HEATR5A: variants seen among roughly 807,000 people sequenced by gnomAD.
The protein encoded by HEATR5A is HEAT repeat-containing protein 5A.
Under a neutral mutation model 218.8 loss-of-function variants are expected in HEATR5A, and 178 were observed. The ratio of observed to expected loss-of-function variants is 0.81; its 90% confidence interval spans 0.72 to 0.92. The LOEUF is 0.92. HEATR5A is among the 40% of genes least tolerant of loss of function. The probability of loss-of-function intolerance (pLI) is 0.00; values close to 1 mark genes in which losing one functional copy is unlikely to be tolerated. For synonymous variants in HEATR5A, 864 were observed against 871.6 expected (o/e 0.99, Z 0.15); for missense variants, 2,420 against 2,418.9 (o/e 1.00, Z -0.01).
chr14:31,298,328 C>T (rs945834310), intron 33 of HEATR5A, among the ~76,000 whole-genome samples: 12 of 152,196 alleles, frequency 7.9e-5, no homozygotes, highest in African/African-American at 2.7e-4. Context: ...TCCTTAATTT[C>T]TCTTAGTAGC....
At chr14:31,377,407 T>A (rs1014755147) in intron 11 of HEATR5A, among the ~76,000 whole-genome samples, 1 of 49,242 alleles carries the variant, frequency 2.0e-5, no homozygotes, top group East Asian at 6.0e-4. Flanking sequence ...CATGAGCTCA[T>A]AATGATACCT....
intron 6 of HEATR5A, among the ~76,000 whole-genome samples, chr14:31,390,569 C>T (rs748670026): frequency 1.4e-4 from 21 of 152,120 alleles, no homozygotes; most frequent in Non-Finnish European, 1.6e-4. Flanking sequence ...TATACAGTCA[C>T]GTACTACATA....
At chr14:31,302,783 G>T in intron 32 of HEATR5A, 3 of 382,842 alleles carry the variant, frequency 7.8e-6, no homozygotes, top group Non-Finnish European at 1.4e-5. Context: ...GTTTTCTTTG[G>T]CAGTCGATAA....
intron 14 of HEATR5A, among the ~76,000 whole-genome samples, chr14:31,363,791 G>A (rs1901709095): frequency 6.6e-6 from 1 of 152,062 alleles, no homozygotes; most frequent in South Asian, 2.1e-4. Context: ...GACCAGCTTG[G>A]GCAACATGGC....
intron 22 of HEATR5A, among the ~76,000 whole-genome samples, chr14:31,328,978 G>T (rs978871280): frequency 3.9e-5 from 6 of 151,946 alleles, no homozygotes; most frequent in Non-Finnish European, 1.5e-5. Flanking sequence ...GGAAGGGGAA[G>T]ACGCATGTCT....
At position 31,347,384 on chromosome 14, in the gene HEATR5A, G is replaced by T. The variant is rs189513481; in HGVS notation, c.2868+364C>A. 7.0e-3 allele frequency among the ~76,000 whole-genome samples: 1,061 copies of T among 152,166 alleles called. 7 individuals carry two copies. The highest frequency in any genetic ancestry group is 8.2e-3 in the Non-Finnish European group (555 of 68,016). On this transcript the variant is annotated intron_variant, in intron 19 of 35. Coordinates refer to ENST00000543095, the MANE Select transcript of HEATR5A (RefSeq NM_015473.4). ...ATACCATCATGCCCGGCTAATTTTT[G>T]TATCTTTTGTAGAGACAGTGTTTTA...
chr14:31,343,896 ACAGAGG>A lies in HEATR5A; in HGVS notation c.3222_3227del (p.Leu1075_Cys1076del), dbSNP rs1333105418. The A allele has an allele frequency of 1.3e-6, 2 of 1,587,264 alleles. No individual in the cohort carries two copies. Among genetic ancestry groups the A allele is most frequent in the African/African-American group, 2.7e-5 (2 of 73,454 alleles). On this transcript the variant is annotated inframe_deletion and splice_region_variant, in exon 21 of 36. Coordinates refer to ENST00000543095, the MANE Select transcript of HEATR5A (RefSeq NM_015473.4). ...AGCTCGTTTACAATTCTATACTCAC[ACAGAGG>A]CAGCTAACCAGGCTAGACAAGTTGA... is the stretch of plus-strand genomic sequence containing the variant.
At chr14:31,406,335 A>C (rs2031059759) in intron 1 of HEATR5A, among the ~76,000 whole-genome samples, 1 of 152,238 alleles carries the variant, frequency 6.6e-6, no homozygotes, top group South Asian at 2.1e-4. Flanking sequence ...ACTTGAAAAA[A>C]GGATTTCATA....
intron 28 of HEATR5A, among the ~76,000 whole-genome samples, chr14:31,309,670 G>A (rs1034840502): frequency 9.2e-5 from 14 of 151,838 alleles, no homozygotes; most frequent in African/African-American, 1.9e-4. Flanking sequence ...CCCATTTACC[G>A]ACTTCCAAGA....
At chr14:31,330,771 ACAGAGTGAGACTCTGTCT>A (rs1241897444) in intron 22 of HEATR5A, among the ~76,000 whole-genome samples, 12 of 151,168 alleles carry the variant, frequency 7.9e-5, no homozygotes, top group African/African-American at 2.9e-4. Context: ...AGCCTGGGCG[ACAGAGTGAGACTCTGTCT>A]CAAAAAAAGA....
intron 9 of HEATR5A, among the ~76,000 whole-genome samples, chr14:31,384,919 C>T (rs1297843919): frequency 6.6e-6 from 1 of 152,030 alleles, no homozygotes; most frequent in Non-Finnish European, 1.5e-5. Context: ...GGGCTACTAA[C>T]CAACTAACTA....
rs1363873153 is a variant in HEATR5A at position 31,394,057 on chromosome 14, C to G, written c.767G>C (p.Gly256Ala). The change falls in exon 6 of 36, where the codon GGA becomes GCA. Residue 256 changes from glycine (G) to alanine (A), a missense_variant. Coordinates refer to ENST00000543095, the MANE Select transcript of HEATR5A (RefSeq NM_015473.4). ...AAATAATTACATGTATTTACCTGTTCCTGGATGTTTAGAAATTACAGCTTT... is the reference window on the plus strand; with the variant it reads ...AAATAATTACATGTATTTACCTGTTGCTGGATGTTTAGAAATTACAGCTTT... ...LAKAVISKHPGTAASRQSIRR... is the reference protein window; with the variant it reads ...LAKAVISKHPATAASRQSIRR... 7.3e-6 allele frequency: 11 copies of G among 1,514,210 alleles called. No homozygotes were observed. Among genetic ancestry groups the G allele is most frequent in the Non-Finnish European group, 9.7e-6 (11 of 1,134,834 alleles). The allele number at this position is 1,514,210 out of a possible 1,614,324, so 93.8% of individuals were successfully genotyped here.
At chr14:31,389,135 G>A (rs748049861) in intron 6 of HEATR5A, 130 bp from the exon 7 acceptor site, 31 of 821,676 alleles carry the variant, frequency 3.8e-5, no homozygotes, top group Non-Finnish European at 5.1e-5. Context: ...AAAATTTACA[G>A]AACAGTCTAC....
At chr14:31,295,737 G>A (rs1316739491) in intron 34 of HEATR5A, among the ~76,000 whole-genome samples, 172 bp downstream of exon 34, 1 of 151,786 alleles carries the variant, frequency 6.6e-6, no homozygotes, top group Non-Finnish European at 1.5e-5. Context: ...TGAAGAACAA[G>A]ACTACTGTTA....
At chr14:31,314,962 CAGG>C (rs1267940077) in intron 27 of HEATR5A, among the ~76,000 whole-genome samples, 1 of 152,060 alleles carries the variant, frequency 6.6e-6, no homozygotes, top group Non-Finnish European at 1.5e-5. Context: ...CACTTGAGGT[CAGG>C]AGTTCAGGAC....
chr14:31,324,452 T>C (rs895242648), intron 23 of HEATR5A, among the ~76,000 whole-genome samples: 5 of 152,198 alleles, frequency 3.3e-5, no homozygotes, highest in Admixed American at 1.3e-4. Context: ...TTATCCCGTA[T>C]GTCAATATTT....
At chr14:31,338,961 T>C (rs774770195) in intron 21 of HEATR5A, among the ~76,000 whole-genome samples, 7 of 147,430 alleles carry the variant, frequency 4.7e-5, no homozygotes, top group Non-Finnish European at 7.5e-5. Flanking sequence ...TGCTAAAAAA[T>C]ACAAAAAAAT....
intron 5 of HEATR5A, 35 bp from the exon 6 acceptor site, chr14:31,394,261 T>C: frequency 7.4e-7 from 1 of 1,351,658 alleles, no homozygotes; most frequent in South Asian, 1.5e-5. Context: ...TAATGAAAAA[T>C]AAAATACAAA....
chr14:31,358,820 G>C lies in HEATR5A; in HGVS notation c.2236-8C>G. The C allele has an allele frequency of 6.2e-7, 1 of 1,606,442 alleles. No homozygotes were observed. Among genetic ancestry groups the C allele is most frequent in the Non-Finnish European group, 8.5e-7 (1 of 1,177,790 alleles). On this transcript the variant is annotated splice_polypyrimidine_tract_variant and splice_region_variant and intron_variant, in intron 15 of 35. Coordinates refer to ENST00000543095, the MANE Select transcript of HEATR5A (RefSeq NM_015473.4). ...ACCATTACCAAGCAGGAGCTAAAAGGGAAAAAAAGTATATAAGGTTTTAAA... is the reference window on the plus strand; with the variant it reads ...ACCATTACCAAGCAGGAGCTAAAAGCGAAAAAAAGTATATAAGGTTTTAAA...
Sources: allele counts gnomAD v4.1 joint callset (sites outside exome capture counted in the v4.1 genomes callset), GRCh38; gene constraint gnomAD v4.1.1; transcripts MANE v1.5; gene names NCBI Gene and HGNC (gene_info 2026-07-23, HGNC 2026-07-21).